Variants in CTNNA2 observed in about 807,000 individuals in gnomAD.
The protein encoded by CTNNA2 is catenin alpha-2.
CTNNA2 carries 42 observed loss-of-function variants against 101.0 expected under a neutral mutation model. The ratio of observed to expected loss-of-function variants is 0.42; its 90% CI spans 0.32 to 0.54. The LOEUF is 0.54. Ranked by LOEUF, CTNNA2 falls within the 20% of genes least tolerant of loss-of-function variation. CTNNA2 has a pLI of 0.14. For synonymous variants in CTNNA2, 450 were observed against 456.4 expected, an observed-to-expected ratio of 0.99 and a Z score of 0.18; for missense variants, 871 against 1,223.1, an observed-to-expected ratio of 0.71 and a Z score of 4.29.
At chr2:79,565,241 G>C (rs1407993900) in intron 1 of CTNNA2, among the ~76,000 whole-genome samples, 2 of 102,352 alleles carry the variant, frequency 2.0e-5, no homozygotes, top group Non-Finnish European at 4.3e-5. Flanking sequence ...GAATTTATTG[G>C]GTGAAAAGGA....
intron 6 of CTNNA2, among the ~76,000 whole-genome samples, chr2:79,889,838 T>C (rs1354605070): frequency 6.6e-6 from 1 of 152,198 alleles, no homozygotes; most frequent in Non-Finnish European, 1.5e-5. Flanking sequence ...ATTGATATTA[T>C]AATGTCATTT....
At chr2:79,427,326 G>A (rs1678603247) in intron 4 of CTNNA2, among the ~76,000 whole-genome samples, 1 of 151,658 alleles carries the variant, frequency 6.6e-6, no homozygotes, top group Admixed American at 6.6e-5. Context: ...CTCAGCAGTG[G>A]TATTGATGGG....
intron 7 of CTNNA2, among the ~76,000 whole-genome samples, chr2:79,925,363 A>C (rs1228783063): frequency 6.6e-6 from 1 of 152,112 alleles, no homozygotes; most frequent in Non-Finnish European, 1.5e-5. Context: ...GTGTATACTC[A>C]CCTGCCAGAA....
intron 9 of CTNNA2, among the ~76,000 whole-genome samples, chr2:80,442,112 T>C (rs1460196109): frequency 6.6e-6 from 1 of 152,260 alleles, no homozygotes; most frequent in African/African-American, 2.4e-5. Context: ...TTTTTCTATA[T>C]CAGCAGGTCT....
chr2:79,829,732 A>ATTTATTTAT (rs1265471631), intron 3 of CTNNA2, among the ~76,000 whole-genome samples: 243 of 101,348 alleles, frequency 2.4e-3, no homozygotes, highest in African/African-American at 8.1e-3. Context: ...TTATTTATTT[A>ATTTATTTAT]TTTTTGAGAC....
intron 7 of CTNNA2, among the ~76,000 whole-genome samples, chr2:80,225,581 T>G (rs1004153548): frequency 6.6e-6 from 1 of 152,220 alleles, no homozygotes; most frequent in African/African-American, 2.4e-5. Flanking sequence ...TTTGAAAACA[T>G]TCTCCATTGC....
chr2:80,637,587 T>C (rs1268362539), intron 18 of CTNNA2, among the ~76,000 whole-genome samples: 1 of 152,158 alleles, frequency 6.6e-6, no homozygotes, highest in Non-Finnish European at 1.5e-5. Flanking sequence ...ACGGAATCTC[T>C]CTGCTCTCTC....
intron 7 of CTNNA2, among the ~76,000 whole-genome samples, chr2:80,037,749 G>T (rs2104245348): frequency 6.6e-6 from 1 of 152,138 alleles, no homozygotes; most frequent in South Asian, 2.1e-4. Context: ...AGTTAAACTT[G>T]GCTTATTCTC....
At chr2:80,444,535 G>C (rs1682904351) in intron 9 of CTNNA2, among the ~76,000 whole-genome samples, 1 of 152,106 alleles carries the variant, frequency 6.6e-6, no homozygotes, top group Non-Finnish European at 1.5e-5. Flanking sequence ...TGAATTGTGG[G>C]ATGTTGATAG....
chr2:79,910,947 T>G (rs1336541384), intron 7 of CTNNA2, among the ~76,000 whole-genome samples: 1 of 151,980 alleles, frequency 6.6e-6, no homozygotes, highest in Non-Finnish European at 1.5e-5. Context: ...CCTAACAAAC[T>G]AAAAAAAACA....
At chr2:79,543,902 G>A (rs1412459818) in intron 1 of CTNNA2, among the ~76,000 whole-genome samples, 1 of 152,114 alleles carries the variant, frequency 6.6e-6, no homozygotes, top group Non-Finnish European at 1.5e-5. Context: ...AAGTATTCTT[G>A]GACAAGGGAA....
chr2:80,135,544 G>T (rs926782144), intron 7 of CTNNA2, among the ~76,000 whole-genome samples: 1 of 152,178 alleles, frequency 6.6e-6, no homozygotes, highest in Non-Finnish European at 1.5e-5. Flanking sequence ...CTCTCAGGGT[G>T]CAGGGAAGCA....
At chr2:80,426,518 C>T (rs1489476893) in intron 9 of CTNNA2, among the ~76,000 whole-genome samples, 3 of 152,194 alleles carry the variant, frequency 2.0e-5, no homozygotes, top group Non-Finnish European at 4.4e-5. Context: ...GGCCTCCCCA[C>T]AGGCCTCTTT....
chr2:79,645,531 C>G (rs2104444186), intron 1 of CTNNA2, among the ~76,000 whole-genome samples: 1 of 152,230 alleles, frequency 6.6e-6, no homozygotes, highest in East Asian at 1.9e-4. Context: ...GGTTTTCAGA[C>G]TTGATTCTTG....
intron 7 of CTNNA2, among the ~76,000 whole-genome samples, chr2:80,123,601 C>T (rs1404429870): frequency 2.0e-5 from 3 of 152,160 alleles, no homozygotes; most frequent in African/African-American, 4.8e-5. Flanking sequence ...AGTGAACAAT[C>T]GTTTCTCAAA....
chr2:79,683,487 G>A (rs553218498), intron 2 of CTNNA2, among the ~76,000 whole-genome samples: 1 of 152,290 alleles, frequency 6.6e-6, no homozygotes, highest in Non-Finnish European at 1.5e-5. Flanking sequence ...GGCCTCTTTT[G>A]TTTAGAAGTG....
chr2:79,802,475 G>A (rs1458381482), intron 3 of CTNNA2, among the ~76,000 whole-genome samples: 1 of 152,088 alleles, frequency 6.6e-6, no homozygotes, highest in Non-Finnish European at 1.5e-5. Flanking sequence ...CCTTCCTGGG[G>A]CCCTGATGAT....
chr2:79,466,360 T>G (rs1670935111), intron 4 of CTNNA2, among the ~76,000 whole-genome samples: 1 of 152,068 alleles, frequency 6.6e-6, no homozygotes, highest in Non-Finnish European at 1.5e-5. Flanking sequence ...GAGGTTTGAG[T>G]AGGTAAACAA....
At chr2:80,194,257 A>G (rs2149003064) in intron 7 of CTNNA2, among the ~76,000 whole-genome samples, 1 of 152,330 alleles carries the variant, frequency 6.6e-6, no homozygotes, top group Middle Eastern at 3.4e-3. Flanking sequence ...ATACATCAGG[A>G]AATACTCCCT....
Sources: allele counts gnomAD v4.1 joint callset (sites outside exome capture counted in the v4.1 genomes callset), GRCh38; gene constraint gnomAD v4.1.1; transcripts MANE v1.5; gene names NCBI Gene and HGNC (gene_info 2026-07-23, HGNC 2026-07-21).